FBN2: variants seen among roughly 807,000 people sequenced by gnomAD.
The protein encoded by FBN2 is fibrillin 2.
FBN2 carries 105 observed loss-of-function variants against 355.6 expected under a neutral mutation model. The ratio of observed to expected loss-of-function variants is 0.30; its 90% CI spans 0.25 to 0.35. The LOEUF (loss-of-function observed/expected upper bound fraction) is 0.35. Among genes scored for constraint, FBN2 ranks in the 10% least tolerant of loss-of-function variants. The probability of loss-of-function intolerance (pLI) is 1.00; values close to 1 mark genes in which losing one functional copy is unlikely to be tolerated. For synonymous variants in FBN2, 1,350 were observed against 1,301.2 expected (o/e 1.04, Z -0.81); for missense variants, 3,280 against 3,758.7 (o/e 0.87, Z 3.33).
intron 11 of FBN2, among the ~76,000 whole-genome samples, chr5:128,388,135 C>T (rs1752416738): frequency 1.3e-5 from 2 of 152,054 alleles, no homozygotes; most frequent in South Asian, 4.1e-4. Context: ...GGTTTAAAGT[C>T]TGTTTTGTCT....
chr5:128,369,715 C>T (rs141527371), intron 15 of FBN2, among the ~76,000 whole-genome samples: 1 of 152,268 alleles, frequency 6.6e-6, no homozygotes, highest in East Asian at 1.9e-4. Flanking sequence ...TTTGGAAGTT[C>T]TCATGAACAA....
chr5:128,325,342 T>A (rs551256733), intron 34 of FBN2, among the ~76,000 whole-genome samples: 1 of 152,346 alleles, frequency 6.6e-6, no homozygotes, highest in African/African-American at 2.4e-5. Context: ...GTTGCATTGA[T>A]CCCTTTACCA....
chr5:128,331,960 G>A (rs1319471868), intron 32 of FBN2, among the ~76,000 whole-genome samples: 1 of 152,144 alleles, frequency 6.6e-6, no homozygotes, highest in Non-Finnish European at 1.5e-5. Flanking sequence ...AGTTATGATA[G>A]TAACCCTGGA....
intron 5 of FBN2, among the ~76,000 whole-genome samples, chr5:128,513,361 C>T (rs1327689237): frequency 6.6e-6 from 1 of 152,098 alleles, no homozygotes; most frequent in African/African-American, 2.4e-5. Context: ...GGTAGTTTTT[C>T]CCAGTTTCTA....
At chr5:128,421,302 C>T (rs766528130) in intron 7 of FBN2, among the ~76,000 whole-genome samples, 5 of 151,960 alleles carry the variant, frequency 3.3e-5, no homozygotes, top group African/African-American at 7.3e-5. Context: ...TCAGGGCTGA[C>T]GTAGAAATGG....
At chr5:128,481,361 T>C (rs1755181488) in intron 5 of FBN2, among the ~76,000 whole-genome samples, 1 of 152,202 alleles carries the variant, frequency 6.6e-6, no homozygotes, top group Non-Finnish European at 1.5e-5. Context: ...TGATCAGCCG[T>C]GATATTATCT....
chr5:128,522,044 A>G (rs1292885898), intron 4 of FBN2, among the ~76,000 whole-genome samples: 2 of 152,166 alleles, frequency 1.3e-5, no homozygotes. Flanking sequence ...AAATTTCTCA[A>G]TTTTAATTTC....
chr5:128,327,734 G>T (rs1030607448), intron 34 of FBN2, among the ~76,000 whole-genome samples: 1 of 152,020 alleles, frequency 6.6e-6, no homozygotes, highest in African/African-American at 2.4e-5. Context: ...CGCCTCCAGG[G>T]TTCAAGCAAT....
rs562338818 is a variant in FBN2, at chr5:128,448,673, T to C, written c.827-2067A>G. On this transcript the variant is annotated intron_variant, in intron 6 of 64. Coordinates refer to ENST00000262464, the MANE Select transcript of FBN2 (RefSeq NM_001999.4). ...TATTGTAATATTGTAAATATTGTAA[T>C]ATTTGTAATATTATAAATACCCTAA... Among the ~76,000 whole-genome samples, 14 of 152,324 alleles carry C rather than the reference T, an allele frequency of 9.2e-5. No individual in the cohort carries two copies. The South Asian group carries it at 2.9e-3, about 32-fold the overall frequency.
intron 6 of FBN2, among the ~76,000 whole-genome samples, chr5:128,458,160 G>A (rs1433794186): frequency 2.6e-5 from 4 of 152,010 alleles, no homozygotes; most frequent in Non-Finnish European, 5.9e-5. Context: ...AAATGCAGGG[G>A]TTGCAATCCT....
At chr5:128,262,713 C>A (rs539894893) in intron 63 of FBN2, among the ~76,000 whole-genome samples, 1 of 152,328 alleles carries the variant, frequency 6.6e-6, no homozygotes, top group Admixed American at 6.5e-5. Context: ...GTTGGACAGA[C>A]TTGGTCCATG....
intron 4 of FBN2, among the ~76,000 whole-genome samples, chr5:128,522,552 T>A (rs1055374192): frequency 6.6e-6 from 1 of 152,176 alleles, no homozygotes; most frequent in Non-Finnish European, 1.5e-5. Flanking sequence ...TTCCTTCCTC[T>A]TTTAACTATA....
chr5:128,458,108 A>G (rs761221609), intron 6 of FBN2, among the ~76,000 whole-genome samples: 1 of 152,146 alleles, frequency 6.6e-6, no homozygotes, highest in Non-Finnish European at 1.5e-5. Context: ...GGCTCAAAAT[A>G]AAGGGATGGA....
chr5:128,280,081 G>A, intron 56 of FBN2, 111 bp downstream of exon 56: 1 of 855,800 alleles, frequency 1.2e-6, no homozygotes, highest in East Asian at 2.5e-5. Flanking sequence ...GGATTATTGA[G>A]ATTGGGGGAT....
At chr5:128,309,038 G>A (rs1045227424) in intron 41 of FBN2, among the ~76,000 whole-genome samples, 2 of 152,172 alleles carry the variant, frequency 1.3e-5, no homozygotes, top group Admixed American at 6.5e-5. Context: ...TTATTTTCAG[G>A]ATTCACAAGC....
At chr5:128,296,974 T>C (rs1212817252) in intron 48 of FBN2, among the ~76,000 whole-genome samples, 1 of 152,232 alleles carries the variant, frequency 6.6e-6, no homozygotes, top group Non-Finnish European at 1.5e-5. Context: ...TGTGAGCATT[T>C]AGTGCTGTAA....
intron 6 of FBN2, among the ~76,000 whole-genome samples, chr5:128,448,693 C>A (rs982772274): frequency 6.6e-6 from 1 of 151,998 alleles, no homozygotes; most frequent in Non-Finnish European, 1.5e-5. Flanking sequence ...ATTATAAATA[C>A]CCTAATATTG....
At chr5:128,333,118 T>G in intron 31 of FBN2, 84 bp from the exon 32 acceptor site, 1 of 1,256,968 alleles carries the variant, frequency 8.0e-7, no homozygotes, top group Non-Finnish European at 1.2e-6. Flanking sequence ...ATAGGTAACA[T>G]TTTAAAGTAA....
chr5:128,477,611 G>A (rs565819135), intron 5 of FBN2, among the ~76,000 whole-genome samples: 1 of 152,094 alleles, frequency 6.6e-6, no homozygotes, highest in Non-Finnish European at 1.5e-5. Context: ...TACAATAACC[G>A]TATTTGGTCA....
Sources: allele counts gnomAD v4.1 joint callset (sites outside exome capture counted in the v4.1 genomes callset), GRCh38; gene constraint gnomAD v4.1.1; transcripts MANE v1.5; gene names NCBI Gene and HGNC (gene_info 2026-07-23, HGNC 2026-07-21).